The following GORASP2 variants were observed in gnomAD, a reference collection of about 807,000 sequenced individuals.
The protein encoded by GORASP2 is Golgi reassembly-stacking protein 2.
In GORASP2, 22 loss-of-function variants were observed where a neutral mutation model predicts 45.7. The observed-to-expected ratio is 0.48, with a 90% confidence interval of 0.34 to 0.69. GORASP2 has a LOEUF of 0.69. GORASP2 is among the 30% of genes least tolerant of loss of function. GORASP2 has a pLI of 0.01. For synonymous variants in GORASP2, 221 were observed against 215.6 expected (o/e 1.02, Z -0.22); for missense variants, 491 against 562.7 (o/e 0.87, Z 1.29).
intron 1 of GORASP2, chr2:170,929,674 G>A (rs1006377167): frequency 1.1e-5 from 7 of 630,504 alleles, no homozygotes; most frequent in Non-Finnish European, 2.1e-5. Context: ...GCGGCCCTGG[G>A]AAGGGGGGAC....
intron 6 of GORASP2, among the ~76,000 whole-genome samples, chr2:170,955,635 T>C (rs980050806): frequency 6.6e-5 from 10 of 152,212 alleles, no homozygotes; most frequent in African/African-American, 2.4e-4. Flanking sequence ...AGCTCTTCTT[T>C]AAGAGCTGCT....
upstream of GORASP2, chr2:170,928,965 C>A (rs116094288): frequency 2.9e-3 from 562 of 193,536 alleles, 4 homozygotes; most frequent in Middle Eastern, 0.02. Context: ...TTCTTTCAGG[C>A]GAGCGGGAAC....
intron 1 of GORASP2, chr2:170,929,737 T>A (rs565856217): frequency 1.8e-6 from 1 of 542,712 alleles, no homozygotes; most frequent in Admixed American, 2.2e-5. Flanking sequence ...CCCCTCATTT[T>A]TAGCTTCCAA....
Position 170,937,248 on chromosome 2 carries a change from G to A in GORASP2, c.63+7845G>A, listed in dbSNP as rs527292396. 9.7e-4 allele frequency among the ~76,000 whole-genome samples: 147 copies of A among 152,104 alleles called. 1 individual carries two copies. Among genetic ancestry groups the A allele is most frequent in the Non-Finnish European group, 1.1e-3 (76 of 67,984 alleles). On this transcript the variant is annotated intron_variant, in intron 1 of 9. Transcript: ENST00000234160. ...TTTAGAGACCCGGTTTTGCTCTGTT[G>A]CCCAGGCTGGAGTGCAGTGTCACAG... is the stretch of plus-strand genomic sequence containing the variant.
intron 1 of GORASP2, among the ~76,000 whole-genome samples, chr2:170,930,666 G>A (rs1319215283): frequency 6.6e-6 from 1 of 150,714 alleles, no homozygotes; most frequent in Non-Finnish European, 1.5e-5. Context: ...TTTTTTCCCC[G>A]AAAGGAAAAG....
Position 170,961,660 on chromosome 2 carries a change from T to C in GORASP2, c.824-3T>C, listed in dbSNP as rs768493400. ...AAATGAAAAGATTGTGCTTTCTTTT[T>C]AGGTGTACCAACAGTACCGTTATTG... On this transcript the variant is annotated splice_region_variant and splice_polypyrimidine_tract_variant and intron_variant, in intron 7 of 9. Coordinates refer to ENST00000234160, the MANE Select transcript of GORASP2 (RefSeq NM_015530.5). 6.7e-7 allele frequency: 1 copy of C among 1,494,562 alleles called. No homozygotes were observed. Among genetic ancestry groups the C allele is most frequent in the South Asian group, 1.1e-5 (1 of 88,692 alleles). The allele number at this position is 1,494,562 out of a possible 1,614,324, so 92.6% of individuals were successfully genotyped here.
rs536240886 is a variant in GORASP2, at chr2:170,935,585, T to C, written c.63+6182T>C. Among the ~76,000 whole-genome samples, 84 of 150,314 alleles carry C rather than the reference T, an allele frequency of 5.6e-4. 1 individual carries two copies. The highest frequency in any genetic ancestry group is 4.3e-3 in the East Asian group (22 of 5,138). The stretch of plus-strand genomic sequence containing the variant: ...AACGCCCCACCTCTTTTTTTTTTTT[T>C]TTTTTCTTTTTTTGACACAGGGTCT... On this transcript the variant is annotated intron_variant, in intron 1 of 9. Coordinates refer to ENST00000234160, the MANE Select transcript of GORASP2 (RefSeq NM_015530.5).
chr2:170,956,766 TAGCC>T (rs1704436088), intron 7 of GORASP2, among the ~76,000 whole-genome samples: 3 of 151,976 alleles, frequency 2.0e-5, no homozygotes, highest in Admixed American at 2.0e-4. Context: ...TTTTTTTAAT[TAGCC>T]AGGTGTGGTG....
intron 1 of GORASP2, among the ~76,000 whole-genome samples, chr2:170,947,128 A>G (rs1267904933): frequency 6.6e-6 from 1 of 152,126 alleles, no homozygotes; most frequent in Non-Finnish European, 1.5e-5. Flanking sequence ...AGCCACCAAT[A>G]TTTACACCCT....
At chr2:170,930,100 A>G (rs1373658536) in intron 1 of GORASP2, among the ~76,000 whole-genome samples, 1 of 152,242 alleles carries the variant, frequency 6.6e-6, no homozygotes, top group Middle Eastern at 3.2e-3. Context: ...GTTTAGATCC[A>G]CAGTGGTAAA....
rs529211584 is a variant in GORASP2 at position 170,959,980 on chromosome 2, C to T, written c.824-1683C>T. On this transcript the variant is annotated intron_variant, in intron 7 of 9. Coordinates refer to ENST00000234160, the MANE Select transcript of GORASP2 (RefSeq NM_015530.5). ...GGGATTATAGGTGCTCACCCCCATGCCCAGTTAATTTTGTATTTTTAGTAG... is the reference window on the plus strand; with the variant it reads ...GGGATTATAGGTGCTCACCCCCATGTCCAGTTAATTTTGTATTTTTAGTAG... Among the ~76,000 whole-genome samples the T allele has an allele frequency of 4.6e-5, 7 of 151,966 alleles. No individual in the cohort carries two copies. The South Asian group carries it at 1.5e-3, about 32-fold the overall frequency.
At position 170,965,289 on chromosome 2, in the gene GORASP2, T is replaced by C. The variant is rs186445779; in HGVS notation, c.1019-501T>C. The stretch of plus-strand genomic sequence containing the variant: ...TTATCAATCACAGGTTTTAAGCAAA[T>C]GCTGAGTACTCCTGGTGAGGACAGT... On this transcript the variant is annotated intron_variant, in intron 9 of 9. Coordinates refer to ENST00000234160, the MANE Select transcript of GORASP2 (RefSeq NM_015530.5). Among the ~76,000 whole-genome samples, 28 of 152,316 alleles carry C rather than the reference T, an allele frequency of 1.8e-4. No individual in the cohort carries two copies. The East Asian group carries it at 3.9e-3, about 21-fold the overall frequency.
intron 9 of GORASP2, among the ~76,000 whole-genome samples, chr2:170,964,420 A>G (rs1704641585): frequency 6.6e-6 from 1 of 152,198 alleles, no homozygotes; most frequent in Admixed American, 6.5e-5. Context: ...TGGGAAGCCA[A>G]GGTGGGTGGA....
chr2:170,928,623 C>A (rs998776303), upstream of GORASP2: 4 of 152,336 alleles, frequency 2.6e-5, no homozygotes, highest in African/African-American at 9.6e-5. Flanking sequence ...CCGTGCTTCC[C>A]ACGCTGGCAT....
At chr2:170,932,346 T>C (rs1703844244) in intron 1 of GORASP2, among the ~76,000 whole-genome samples, 1 of 152,234 alleles carries the variant, frequency 6.6e-6, no homozygotes, top group South Asian at 2.1e-4. Context: ...CTTGGCAGTC[T>C]TTCTGTAGTA....
intron 1 of GORASP2, among the ~76,000 whole-genome samples, chr2:170,934,337 G>A (rs910805207): frequency 7.3e-5 from 11 of 151,184 alleles, no homozygotes; most frequent in Admixed American, 1.3e-4. Flanking sequence ...GTACAATGGC[G>A]CATCTCGGCT....
chr2:170,950,168 A>G, intron 3 of GORASP2, 36 bp from the exon 4 acceptor site: 13 of 962,800 alleles, frequency 1.4e-5, no homozygotes, highest in Non-Finnish European at 2.1e-5. Flanking sequence ...TATTTTATAT[A>G]TATTAATTTT....
At chr2:170,943,929 G>A (rs1271435809) in intron 1 of GORASP2, among the ~76,000 whole-genome samples, 1 of 152,102 alleles carries the variant, frequency 6.6e-6, no homozygotes, top group African/African-American at 2.4e-5. Flanking sequence ...TCTCACCTCT[G>A]CCTCCCAAAG....
rs1704703869 is a variant in GORASP2, at chr2:170,967,064, G to A, written c.*934G>A. ...TTGCTTTCTCCCATTTTTAAGAGAT[G>A]GTAAGTTAACTGGAATTGATTTACT... On this transcript the variant is annotated 3_prime_UTR_variant, in exon 10 of 10. Transcript: ENST00000234160. 1 of 152,100 alleles carries A rather than the reference G, an allele frequency of 6.6e-6. No individual in the cohort carries two copies. 9.4% of individuals were successfully genotyped at this position (152,100 alleles called of 1,614,324 possible). A position where few individuals can be genotyped will look rare whatever the true frequency, so the allele number is the denominator to read the frequency against.
Sources: gnomAD v4.1 joint callset for allele counts (sites outside exome capture counted in the v4.1 genomes callset) on GRCh38, gnomAD v4.1.1 for gene constraint, MANE v1.5 for transcripts, NCBI Gene and HGNC (gene_info 2026-07-23, HGNC 2026-07-21) for gene names.